Variants in C5 observed in about 807,000 individuals in gnomAD.
C5 encodes complement C5, also known as C3 and PZP-like alpha-2-macroglobulin domain-containing protein 4.
In C5, 140 loss-of-function variants were observed where a neutral mutation model predicts 218.8. That is an observed-to-expected ratio of 0.64 (90% CI 0.56 to 0.74). The LOEUF is 0.74. C5 is among the 30% of genes least tolerant of loss of function. The pLI is 0.00. For missense variants in C5, 1,700 were observed against 1,969.6 expected (o/e 0.86, Z 2.59); for synonymous variants, 614 against 682.3 (o/e 0.90, Z 1.56).
intron 1 of C5, among the ~76,000 whole-genome samples, chr9:121,046,811 A>T (rs2047631823): frequency 6.6e-6 from 1 of 151,910 alleles, no homozygotes; most frequent in Non-Finnish European, 1.5e-5. Context: ...AAAATAACTT[A>T]CTGTGAAAAT....
At chr9:121,025,856 G>T (rs903488475) in intron 8 of C5, 2 of 346,002 alleles carry the variant, frequency 5.8e-6, no homozygotes, top group African/African-American at 4.2e-5. Flanking sequence ...TCCAATTCCT[G>T]CGTCATCATT....
At chr9:121,026,125 G>A (rs2047419811) in intron 8 of C5, among the ~76,000 whole-genome samples, 1 of 152,140 alleles carries the variant, frequency 6.6e-6, no homozygotes, top group Non-Finnish European at 1.5e-5. Flanking sequence ...TTACATCCCA[G>A]TGTCTAGCAT....
intron 3 of C5, among the ~76,000 whole-genome samples, chr9:121,042,080 G>C (rs1160930984): frequency 6.6e-6 from 1 of 152,082 alleles, no homozygotes; most frequent in African/African-American, 2.4e-5. Flanking sequence ...TCCTTTCTCT[G>C]TCCTCCTCCA....
At chr9:121,042,892 C>A (rs554775571) in intron 3 of C5, 112 bp downstream of exon 3, 3 of 820,038 alleles carry the variant, frequency 3.7e-6, no homozygotes, top group African/African-American at 1.7e-5. Flanking sequence ...GTCTTTTGAG[C>A]AAATTAAAAA....
At chr9:121,063,620 A>T in the C5 span, among the ~76,000 whole-genome samples, 2 of 152,156 alleles carry the variant, frequency 1.3e-5, no homozygotes, top group South Asian at 2.1e-4. Flanking sequence ...TAAAAAATTT[A>T]AAATTAAATA....
intron 14 of C5, among the ~76,000 whole-genome samples, chr9:121,017,121 C>T (rs2047313949): frequency 6.6e-6 from 1 of 152,180 alleles, no homozygotes; most frequent in African/African-American, 2.4e-5. Flanking sequence ...AATTTTTCCT[C>T]CATGAATGTA....
chr9:120,961,317 G>A (rs1412449023), intron 37 of C5, among the ~76,000 whole-genome samples, 165 bp downstream of exon 37: 2 of 152,176 alleles, frequency 1.3e-5, no homozygotes, highest in Non-Finnish European at 2.9e-5. Context: ...CTGTGAAAAT[G>A]TAGTTTTACA....
In C5 at chr9:121,016,414, T is replaced by C. The variant is rs200980964; in HGVS notation, c.1867-31A>G. 27 of 1,613,202 alleles carry C rather than the reference T, an allele frequency of 1.7e-5. No homozygotes were observed. In the East Asian group the frequency reaches 2.0e-4, roughly 12 times the overall value. On this transcript the variant is annotated intron_variant, in intron 14 of 40. Coordinates refer to ENST00000223642, the MANE Select transcript of C5 (RefSeq NM_001735.3). ...CAGAAAGGCAAAATGTTGAGCACAT[T>C]GAGATGTATAAATCATTCCTCTAAA...
chr9:120,995,922 G>A (rs984277505), intron 22 of C5, among the ~76,000 whole-genome samples: 2 of 151,094 alleles, frequency 1.3e-5, no homozygotes, highest in Non-Finnish European at 2.9e-5. Flanking sequence ...AGGTTCAAGC[G>A]ATTCTCCTGC....
At chr9:121,026,150 T>C (rs932472409) in intron 8 of C5, among the ~76,000 whole-genome samples, 2 of 152,204 alleles carry the variant, frequency 1.3e-5, no homozygotes, top group African/African-American at 4.8e-5. Flanking sequence ...TTTTGCATTT[T>C]AAAAATGCAT....
chr9:120,963,931 T>G (rs958111803), intron 33 of C5, among the ~76,000 whole-genome samples, 193 bp from the exon 34 acceptor site: 1 of 152,186 alleles, frequency 6.6e-6, no homozygotes, highest in Admixed American at 6.5e-5. Context: ...CTTTCCTCAC[T>G]TGATCAATAA....
intron 8 of C5, 187 bp from the exon 9 acceptor site, chr9:121,025,767 G>T: frequency 1.8e-6 from 1 of 544,338 alleles, no homozygotes; most frequent in Non-Finnish European, 3.3e-6. Flanking sequence ...TATTTGTATA[G>T]AATTATAGAA....
chr9:121,037,382 C>T (rs1049078253), intron 4 of C5, among the ~76,000 whole-genome samples: 2 of 150,264 alleles, frequency 1.3e-5, no homozygotes, highest in Admixed American at 6.6e-5. Flanking sequence ...GGCACAATCT[C>T]GGCTCACTGC....
chr9:120,979,000 G>A (rs769567117), intron 28 of C5, among the ~76,000 whole-genome samples: 8 of 152,126 alleles, frequency 5.3e-5, no homozygotes, highest in Admixed American at 1.3e-4. Flanking sequence ...TTTCAGCCTC[G>A]ATTCACTTGA....
the C5 span, among the ~76,000 whole-genome samples, chr9:121,061,010 A>G: frequency 2.0e-5 from 3 of 152,114 alleles, no homozygotes; most frequent in Non-Finnish European, 2.9e-5. Context: ...CAACACGGTA[A>G]AACCTTGTCT....
At chr9:120,976,316 C>T (rs1406309485) in intron 29 of C5, among the ~76,000 whole-genome samples, 1 of 152,110 alleles carries the variant, frequency 6.6e-6, no homozygotes, top group Non-Finnish European at 1.5e-5. Flanking sequence ...TTATTTATTT[C>T]GTTGTGGAGA....
intron 40 of C5, 140 bp from the exon 41 acceptor site, chr9:120,953,008 C>T (rs948872190): frequency 1.2e-6 from 1 of 836,156 alleles, no homozygotes; most frequent in Non-Finnish European, 1.9e-6. Flanking sequence ...ACTGCAAGCT[C>T]TGCCTCTCGG....
the C5 span, among the ~76,000 whole-genome samples, chr9:121,063,440 T>C: frequency 6.6e-6 from 1 of 152,130 alleles, no homozygotes; most frequent in African/African-American, 2.4e-5. Flanking sequence ...CTTTAGTTCT[T>C]TAGATGTGGT....
chr9:121,028,562 G>A (rs966012677), intron 7 of C5, among the ~76,000 whole-genome samples: 1 of 152,160 alleles, frequency 6.6e-6, no homozygotes, highest in Non-Finnish European at 1.5e-5. Flanking sequence ...GATGAAGCTG[G>A]AAACCATCAT....
Sources: gnomAD v4.1 joint callset for allele counts (sites outside exome capture counted in the v4.1 genomes callset) on GRCh38, gnomAD v4.1.1 for gene constraint, MANE v1.5 for transcripts, NCBI Gene and HGNC (gene_info 2026-07-23, HGNC 2026-07-21) for gene names.